Variants in DNAH14 observed in about 807,000 individuals in gnomAD.
DNAH14 encodes axonemal beta dynein heavy chain 14.
In DNAH14, 478 loss-of-function variants were observed where a neutral mutation model predicts 520.9. That is an observed-to-expected ratio of 0.92 (90% CI 0.85 to 0.99). The LOEUF is 0.99. DNAH14 is among the 50% of genes least tolerant of loss of function. The pLI, the probability that DNAH14 is intolerant of heterozygous loss-of-function variation, is 0.00. For synonymous variants in DNAH14, 1,581 were observed against 1,757.2 expected, an observed-to-expected ratio of 0.90 and a Z score of 2.51; for missense variants, 4,831 against 5,234.5, an observed-to-expected ratio of 0.92 and a Z score of 2.38.
Position 225,290,003 on chromosome 1 carries a change from T to G in DNAH14, c.8390T>G (p.Val2797Gly). The G allele has an allele frequency of 2.6e-6, 4 of 1,540,630 alleles. No homozygotes were observed. Among genetic ancestry groups the G allele is most frequent in the Non-Finnish European group, 3.5e-6 (4 of 1,141,088 alleles). The change falls in exon 55 of 86, where the codon GTC (valine) becomes GGC (glycine). Residue 2797 changes from valine (V) to glycine (G), a missense_variant. By Grantham distance (109) the Val-to-Gly change is moderately radical. Transcript: ENST00000682510. Reference sequence around the variant, plus strand: ...TGTGCCTACATCGAATTCAAAGAAGTCTTTAAAAAGGTGTTTATTCACGCA... The same window carrying G: ...TGTGCCTACATCGAATTCAAAGAAGGCTTTAAAAAGGTGTTTATTCACGCA... ...HKCAYIEFKE[V>G]FKKVFIHAGL...
At chr1:225,342,486 A>G (rs2095208118) in intron 69 of DNAH14, among the ~76,000 whole-genome samples, 1 of 152,090 alleles carries the variant, frequency 6.6e-6, no homozygotes, top group South Asian at 2.1e-4. Flanking sequence ...TTTTAAAGTA[A>G]AGGTTGAATT....
At chr1:225,182,988 A>G (rs1197939017) in intron 36 of DNAH14, among the ~76,000 whole-genome samples, 1 of 152,192 alleles carries the variant, frequency 6.6e-6, no homozygotes, top group Non-Finnish European at 1.5e-5. Context: ...GCCCTGCATG[A>G]GATCAGCTGC....
chr1:225,050,435 C>G lies in DNAH14; in HGVS notation c.2079+59C>G. ...TTAAGGAGCAGAAACCCACTGAATT[C>G]TTAAATGAAATGAATTTATTGAAAA... On this transcript the variant is annotated intron_variant, in intron 16 of 85. Coordinates refer to ENST00000682510, the MANE Select transcript of DNAH14 (RefSeq NM_001367479.1). The G allele has an allele frequency of 3.4e-6, 5 of 1,451,714 alleles. No homozygotes were observed. In the South Asian group the frequency reaches 7.2e-5, roughly 21 times the overall value. The allele number at this position is 1,451,714 out of a possible 1,614,324, so 89.9% of individuals were successfully genotyped here.
chr1:225,080,736 G>C lies in DNAH14; in HGVS notation c.3124G>C (p.Val1042Leu). Residue 1042 changes from valine to leucine, a missense_variant, in exon 19 of 86, where the codon GTA becomes CTA. By Grantham distance (32) the Val-to-Leu change is conservative. Transcript: ENST00000682510. ...NVSKLMHIIS[V>L]LEKGLPKSDM... Reference sequence around the variant, plus strand: ...TTCAAAACTGATGCACATAATCTCGGTACTAGAAAAAGGTAAAAATGTGTT... The same window carrying C: ...TTCAAAACTGATGCACATAATCTCGCTACTAGAAAAAGGTAAAAATGTGTT... 2.6e-6 allele frequency: 4 copies of C among 1,512,960 alleles called. No individual in the cohort carries two copies. The allele number at this position is 1,512,960 out of a possible 1,614,324, so 93.7% of individuals were successfully genotyped here. A position where few individuals can be genotyped will look rare whatever the true frequency, so the allele number is the denominator to read the frequency against.
At chr1:224,967,910 T>C in intron 6 of DNAH14, 1 of 1,222,932 alleles carries the variant, frequency 8.2e-7, no homozygotes, top group Admixed American at 4.2e-5. Context: ...AAGAAAAGAA[T>C]ATTCTTTATT....
At chr1:225,139,785 T>C (rs968340647) in intron 27 of DNAH14, among the ~76,000 whole-genome samples, 14 of 152,214 alleles carry the variant, frequency 9.2e-5, no homozygotes, top group Admixed American at 9.2e-4. Context: ...AATAAATGTC[T>C]CAAGGGCAGC....
intron 2 of DNAH14, among the ~76,000 whole-genome samples, chr1:224,953,371 G>T (rs1418861276): frequency 6.6e-6 from 1 of 151,826 alleles, no homozygotes; most frequent in African/African-American, 2.4e-5. Context: ...TGATCCACCC[G>T]CCTCGGCCTC....
intron 12 of DNAH14, 129 bp downstream of exon 12, chr1:225,038,952 A>T (rs1039223435): frequency 1.3e-6 from 1 of 746,856 alleles, no homozygotes; most frequent in African/African-American, 1.8e-5. Context: ...CAACACACAC[A>T]CACACTTAGC....
At chr1:225,331,413 A>G in intron 64 of DNAH14, 24 bp from the exon 65 acceptor site, 1 of 1,543,462 alleles carries the variant, frequency 6.5e-7, no homozygotes, top group Non-Finnish European at 8.8e-7. Flanking sequence ...TATTTTTCTC[A>G]ATAATGAATT....
At position 225,265,378 on chromosome 1, in the gene DNAH14, C is replaced by T; in HGVS notation, c.7410+9C>T. 1 of 1,518,392 alleles carries T rather than the reference C, an allele frequency of 6.6e-7. No homozygotes were observed. The highest frequency in any genetic ancestry group is 8.8e-7 in the Non-Finnish European group (1 of 1,137,576). The allele number at this position is 1,518,392 out of a possible 1,614,324, so 94.1% of individuals were successfully genotyped here. A position where few individuals can be genotyped will look rare whatever the true frequency, so the allele number is the denominator to read the frequency against. On this transcript the variant is annotated intron_variant, in intron 48 of 85. Coordinates refer to ENST00000682510, the MANE Select transcript of DNAH14 (RefSeq NM_001367479.1). Reference sequence around the variant, plus strand: ...CACCAAAAAACAACCGGGTAAAACACCTCTCATACCTGTTCAATAATCTGC... The same window carrying T: ...CACCAAAAAACAACCGGGTAAAACATCTCTCATACCTGTTCAATAATCTGC...
intron 37 of DNAH14, among the ~76,000 whole-genome samples, chr1:225,191,293 A>AG (rs1446187360): frequency 6.6e-5 from 10 of 151,956 alleles, no homozygotes; most frequent in Admixed American, 5.3e-4. Flanking sequence ...TGTTTATCTG[A>AG]GAATGCCTTA....
chr1:225,061,071 A>T (rs978228362), intron 17 of DNAH14, among the ~76,000 whole-genome samples: 3 of 152,104 alleles, frequency 2.0e-5, no homozygotes, highest in Admixed American at 6.5e-5. Context: ...TCTGCAGAGG[A>T]TTCTGCTGCC....
Position 225,340,386 on chromosome 1 carries a change from T to A in DNAH14, c.10434-71T>A, listed in dbSNP as rs935990802. ...ACTTCCAGGAAAAATGCTTTATGTA[T>A]TTTTAAATAAATTGGTTCATTTTTT... On this transcript the variant is annotated intron_variant, in intron 68 of 85. Transcript: ENST00000682510. 2.1e-5 allele frequency: 30 copies of A among 1,440,374 alleles called. No individual in the cohort carries two copies. In the African/African-American group the frequency reaches 3.7e-4, roughly 18 times the overall value. 89.2% of individuals were successfully genotyped at this position (1,440,374 alleles called of 1,614,324 possible).
At chr1:225,274,359 T>C (rs1472619149) in intron 52 of DNAH14, among the ~76,000 whole-genome samples, 3 of 151,874 alleles carry the variant, frequency 2.0e-5, no homozygotes, top group South Asian at 2.1e-4. Context: ...CGCCCGCCAC[T>C]GCGCCCGGCT....
intron 58 of DNAH14, 81 bp downstream of exon 58, chr1:225,305,170 G>C: frequency 7.0e-7 from 1 of 1,434,066 alleles, no homozygotes; most frequent in South Asian, 1.4e-5. Flanking sequence ...GCAAAATGGT[G>C]AGCCAAATCT....
At chr1:225,246,105 CAAAAAAA>C (rs140007042) in intron 43 of DNAH14, among the ~76,000 whole-genome samples, 3 of 77,726 alleles carry the variant, frequency 3.9e-5, no homozygotes, top group Admixed American at 1.3e-4. Flanking sequence ...ACAAACCTGG[CAAAAAAA>C]AAAAAAAAAA....
Position 225,322,811 on chromosome 1 carries a change from C to A in DNAH14, c.9483C>A (p.Ser3161Arg), listed in dbSNP as rs1255109230. ...LKKLINLDKDSIPDKVFVKLK... is the reference protein window; with the variant it reads ...LKKLINLDKDRIPDKVFVKLK... ...AATTGATTAACCTTGACAAGGACAG[C>A]ATACCTGATAAGGTAAAAAGTTGAT... Residue 3161 changes from serine to arginine, a missense_variant, in exon 62 of 86, where the codon AGC becomes AGA. By Grantham distance (110) the Ser-to-Arg change is moderately radical. Coordinates refer to ENST00000682510, the MANE Select transcript of DNAH14 (RefSeq NM_001367479.1). 1.0e-5 allele frequency: 16 copies of A among 1,549,796 alleles called. No homozygotes were observed. The highest frequency in any genetic ancestry group is 1.4e-5 in the African/African-American group (1 of 73,136).
At chr1:225,094,388 T>C (rs1163334755) in intron 21 of DNAH14, among the ~76,000 whole-genome samples, 1 of 151,806 alleles carries the variant, frequency 6.6e-6, no homozygotes, top group Non-Finnish European at 1.5e-5. Context: ...AAGAATTTTA[T>C]ATTCTATGGA....
At chr1:225,366,396 A>G (rs2095553454) in intron 76 of DNAH14, among the ~76,000 whole-genome samples, 1 of 152,152 alleles carries the variant, frequency 6.6e-6, no homozygotes, top group Non-Finnish European at 1.5e-5. Context: ...AAATTAACAC[A>G]CACTCTCTCT....
Sources: allele counts gnomAD v4.1 joint callset (sites outside exome capture counted in the v4.1 genomes callset), GRCh38; gene constraint gnomAD v4.1.1; transcripts MANE v1.5; gene names NCBI Gene and HGNC (gene_info 2026-07-23, HGNC 2026-07-21).